The following LRRC3C variants were observed in gnomAD, a reference collection of about 807,000 sequenced individuals.
The protein encoded by LRRC3C is leucine rich repeat containing 3C.
In LRRC3C, 11 loss-of-function variants were observed where a neutral mutation model predicts 14.8. That is an observed-to-expected ratio of 0.74 (90% CI 0.47 to 1.23). The LOEUF (loss-of-function observed/expected upper bound fraction) is 1.23. Among genes scored for constraint, LRRC3C ranks in the 50% most tolerant of loss-of-function variants. The pLI, the probability that LRRC3C is intolerant of heterozygous loss-of-function variation, is 0.00. For synonymous variants in LRRC3C, 149 were observed against 161.5 expected (o/e 0.92, Z 0.59); for missense variants, 354 against 361.8 (o/e 0.98, Z 0.18).
At chr17:39,928,822 G>A (rs927828614) in intron 1 of LRRC3C, among the ~76,000 whole-genome samples, 12 of 152,192 alleles carry the variant, frequency 7.9e-5, no homozygotes, top group Admixed American at 5.2e-4. Flanking sequence ...TTCCCCAGGG[G>A]GCTGCCAGGA....
chr17:39,937,469 A>G (rs148372601), intron 2 of LRRC3C, among the ~76,000 whole-genome samples: 23 of 152,178 alleles, frequency 1.5e-4, no homozygotes, highest in Middle Eastern at 3.4e-3. Flanking sequence ...ATAAAAACTA[A>G]ATAAAACCTT....
intron 1 of LRRC3C, among the ~76,000 whole-genome samples, chr17:39,933,062 A>AG (rs1978694727): frequency 3.5e-5 from 4 of 115,104 alleles, no homozygotes; most frequent in South Asian, 6.1e-4. Flanking sequence ...CAAAAAATAA[A>AG]GAAAGGAAGG....
chr17:39,941,405 A>C, intron 2 of LRRC3C, 38 bp from the exon 3 acceptor site: 76 of 504,280 alleles, frequency 1.5e-4, no homozygotes, highest in Non-Finnish European at 2.1e-4. Context: ...GAAACAAGGG[A>C]CCCCCCCACA....
Position 39,935,860 on chromosome 17 carries a change from C to T in LRRC3C, c.-116C>T, listed in dbSNP as rs1978782187. 1.0e-6 allele frequency: 1 copy of T among 985,474 alleles called. No homozygotes were observed. The highest frequency in any genetic ancestry group is 1.2e-6 in the Non-Finnish European group (1 of 829,946). 61.0% of individuals were successfully genotyped at this position (985,474 alleles called of 1,614,324 possible). ...TCCGCGAAACTGCCCAGTAACCTGG[C>T]ATTAGACGGGTCCCTGGCTGACCTG... On this transcript the variant is annotated 5_prime_UTR_variant, in exon 2 of 4. Coordinates refer to ENST00000377924, the MANE Select transcript of LRRC3C (RefSeq NM_001195545.2).
chr17:39,928,571 CCCATTCT>C (rs1415997314), intron 1 of LRRC3C, among the ~76,000 whole-genome samples: 2 of 152,200 alleles, frequency 1.3e-5, no homozygotes, highest in African/African-American at 4.8e-5. Context: ...CTCGGTTACT[CCCATTCT>C]CCATGTCACC....
intron 1 of LRRC3C, among the ~76,000 whole-genome samples, chr17:39,933,772 C>T (rs902631676): frequency 1.3e-5 from 2 of 152,204 alleles, no homozygotes; most frequent in Non-Finnish European, 2.9e-5. Flanking sequence ...GCCCCTTCCC[C>T]TGGGGGAAAG....
chr17:39,944,097 G>C lies in LRRC3C; in HGVS notation c.191G>C (p.Arg64Pro), dbSNP rs1979011978. 3 of 1,535,962 alleles carry C rather than the reference G, an allele frequency of 2.0e-6. No individual in the cohort carries two copies. The highest frequency in any genetic ancestry group is 1.4e-5 in the African/African-American group (1 of 73,028). ...AAGGAAGCAGGTGAACGGACGTTCC[G>C]CTGCAGCCAGGCAGGCCTCAGTGCT... ...VAKEAGERTF[R>P]CSQAGLSAVP... Residue 64 changes from arginine (R) to proline (P), a missense_variant, in exon 4 of 4, where the codon CGC (arginine) becomes CCC (proline). Physicochemically the swap from Arg to Pro is moderately radical, Grantham distance 103 (BLOSUM62 -2). Coordinates refer to ENST00000377924, the MANE Select transcript of LRRC3C (RefSeq NM_001195545.2).
At chr17:39,931,570 AATAAG>A (rs1411362607) in intron 1 of LRRC3C, among the ~76,000 whole-genome samples, 3 of 151,896 alleles carry the variant, frequency 2.0e-5, no homozygotes, top group Non-Finnish European at 2.9e-5. Context: ...ATAGGGAAAT[AATAAG>A]ATGAGCCATG....
chr17:39,930,808 C>T (rs1043540285), intron 1 of LRRC3C, among the ~76,000 whole-genome samples: 2 of 148,894 alleles, frequency 1.3e-5, no homozygotes, highest in African/African-American at 2.5e-5. Context: ...AATGTTTAGG[C>T]GTGATATGGA....
intron 1 of LRRC3C, among the ~76,000 whole-genome samples, chr17:39,933,472 C>T (rs967012460): frequency 4.6e-5 from 7 of 152,128 alleles, no homozygotes; most frequent in South Asian, 2.1e-4. Context: ...CGATGGCTCA[C>T]GCCTGTAATC....
At chr17:39,937,161 C>T (rs942828913) in intron 2 of LRRC3C, among the ~76,000 whole-genome samples, 9 of 151,300 alleles carry the variant, frequency 5.9e-5, no homozygotes, top group African/African-American at 1.5e-4. Context: ...ATAGGCCGGG[C>T]GCAGTGGCTC....
At position 39,944,724 on chromosome 17, in the gene LRRC3C, C is replaced by A; in HGVS notation, c.818C>A (p.Thr273Lys). 1 of 1,535,972 alleles carries A rather than the reference C, an allele frequency of 6.5e-7. No individual in the cohort carries two copies. Among genetic ancestry groups the A allele is most frequent in the Non-Finnish European group, 8.7e-7 (1 of 1,146,850 alleles). The change falls in exon 4 of 4, where the codon ACA becomes AAA. Residue 273 changes from threonine (T) to lysine (K), a missense_variant. Physicochemically the swap from Thr to Lys is moderately conservative, Grantham distance 78. Transcript: ENST00000377924. The part of the protein sequence containing the change: ...VRSEDSSILS[T>K]VV ...TCCGAGGACTCCTCCATCCTCAGCA[C>A]AGTGGTCTGATGACCCAGGATGCTC...
chr17:39,936,436 AC>A (rs2144762419), intron 2 of LRRC3C, among the ~76,000 whole-genome samples: 1 of 152,162 alleles, frequency 6.6e-6, no homozygotes, highest in South Asian at 2.1e-4. Context: ...CTTTGCCATA[AC>A]TGGTTTTCCT....
At chr17:39,936,430 G>A (rs1207476968) in intron 2 of LRRC3C, among the ~76,000 whole-genome samples, 1 of 152,032 alleles carries the variant, frequency 6.6e-6, no homozygotes, top group Non-Finnish European at 1.5e-5. Flanking sequence ...CTAGACCTTT[G>A]CCATAACTGG....
chr17:39,941,413 A>T (rs759743797), intron 2 of LRRC3C, 30 bp from the exon 3 acceptor site: 2 of 704,074 alleles, frequency 2.8e-6, no homozygotes, highest in Non-Finnish European at 4.7e-6. Flanking sequence ...GGACCCCCCC[A>T]CACACACCCC....
At chr17:39,941,956 A>T (rs1978952486) in intron 3 of LRRC3C, among the ~76,000 whole-genome samples, 1 of 152,104 alleles carries the variant, frequency 6.6e-6, no homozygotes, top group Non-Finnish European at 1.5e-5. Context: ...GTGCCATAGG[A>T]GGCACCATGT....
intron 1 of LRRC3C, among the ~76,000 whole-genome samples, chr17:39,928,474 A>G (rs1233601315): frequency 6.6e-6 from 1 of 152,198 alleles, no homozygotes; most frequent in Non-Finnish European, 1.5e-5. Flanking sequence ...TGGGAACCCA[A>G]AAGAATGTAT....
intron 3 of LRRC3C, among the ~76,000 whole-genome samples, chr17:39,943,507 A>G (rs1978991580): frequency 6.6e-6 from 1 of 152,166 alleles, no homozygotes; most frequent in Admixed American, 6.5e-5. Context: ...CCTTGTCTCC[A>G]TCACGCGAGT....
Position 39,944,289 on chromosome 17 carries a change from G to A in LRRC3C, c.383G>A (p.Gly128Asp). ...LSGAAFQGLE[G>D]TLRHLDLSAN... is the part of the protein sequence containing the mutation. The stretch of plus-strand genomic sequence containing the variant: ...GGGGCGGCTTTCCAGGGCCTGGAGG[G>A]CACATTGCGCCACCTCGACCTCTCT... Residue 128 changes from glycine (G) to aspartate (D), a missense_variant, in exon 4 of 4, where the codon GGC becomes GAC. Transcript: ENST00000377924. 1 of 1,535,310 alleles carries A rather than the reference G, an allele frequency of 6.5e-7. No homozygotes were observed. The highest frequency in any genetic ancestry group is 8.7e-7 in the Non-Finnish European group (1 of 1,146,584).
Sources: gnomAD v4.1 joint callset for allele counts (sites outside exome capture counted in the v4.1 genomes callset) on GRCh38, gnomAD v4.1.1 for gene constraint, MANE v1.5 for transcripts, NCBI Gene and HGNC (gene_info 2026-07-23, HGNC 2026-07-21) for gene names.